MED13L: variants seen among roughly 807,000 people sequenced by gnomAD.
MED13L encodes the protein mediator complex subunit 13L.
Under a neutral mutation model 220.9 loss-of-function variants are expected in MED13L, and 7 were observed. The observed-to-expected ratio is 0.03, with a 90% confidence interval of 0.02 to 0.06. The LOEUF (loss-of-function observed/expected upper bound fraction) is 0.06, where lower values mean the gene tolerates loss of function less well. Among genes scored for constraint, MED13L ranks in the 10% least tolerant of loss-of-function variants. The pLI is 1.00. For synonymous variants in MED13L, 1,011 were observed against 1,015.2 expected (o/e 1.00, Z 0.08); for missense variants, 1,965 against 2,760.5 (o/e 0.71, Z 6.46).
At chr12:116,100,167 G>A (rs371795360) in intron 3 of MED13L, among the ~76,000 whole-genome samples, 13 of 152,112 alleles carry the variant, frequency 8.5e-5, no homozygotes, top group African/African-American at 3.1e-4. Flanking sequence ...ATGGTTATAG[G>A]AGGAAATGAG....
chr12:116,249,144 C>G (rs1166111906), intron 1 of MED13L, among the ~76,000 whole-genome samples: 1 of 152,178 alleles, frequency 6.6e-6, no homozygotes, highest in Non-Finnish European at 1.5e-5. Flanking sequence ...GCTATCACTC[C>G]AAGAGTTCAC....
chr12:115,973,726 T>C (rs1401698386), intron 25 of MED13L, among the ~76,000 whole-genome samples: 1 of 152,196 alleles, frequency 6.6e-6, no homozygotes, highest in East Asian at 1.9e-4. Flanking sequence ...AATAAAATGA[T>C]GAATCCCCTA....
rs530405645 is a variant in MED13L at position 116,169,998 on chromosome 12, C to CA, written c.311-58487dup. Among the ~76,000 whole-genome samples the CA allele has an allele frequency of 5.8e-3, 885 of 152,262 alleles. 7 individuals are homozygous for CA. Among genetic ancestry groups the CA allele is most frequent in the South Asian group, 0.012 (60 of 4,820 alleles). On this transcript the variant is annotated intron_variant, in intron 2 of 30. Coordinates refer to ENST00000281928, the MANE Select transcript of MED13L (RefSeq NM_015335.5). Reference sequence around the variant, plus strand: ...CGCCACTGCACTCCTGTCTGAGCAGCAGAGTGAGACCCCGCCTCATAAATA... The same window carrying CA: ...CGCCACTGCACTCCTGTCTGAGCAGCAAGAGTGAGACCCCGCCTCATAAATA...
Position 115,983,431 on chromosome 12 carries a change from G to A in MED13L, c.4641C>T (p.Pro1547=). The stretch of plus-strand genomic sequence containing the variant: ...GAGCTGCTGATCCATTTGGAGCTAA[G>A]GGCCCAGCATTCCCTGGCGTAGCTT... ...QGQATPGNAG[P]LAPNGSAAPP... is the part of the protein sequence containing the mutation. The change falls in exon 21 of 31, where the codon CCC becomes CCT. Residue 1547 remains proline (P), a synonymous_variant. Coordinates refer to ENST00000281928, the MANE Select transcript of MED13L (RefSeq NM_015335.5). 6.2e-7 allele frequency: 1 copy of A among 1,614,194 alleles called. No individual in the cohort carries two copies. The highest frequency in any genetic ancestry group is 2.2e-5 in the East Asian group (1 of 44,880).
chr12:116,187,441 T>C (rs1880971070), intron 2 of MED13L, among the ~76,000 whole-genome samples: 1 of 152,222 alleles, frequency 6.6e-6, no homozygotes. Context: ...ATCATTGTCA[T>C]TTCTTCCAGT....
intron 14 of MED13L, among the ~76,000 whole-genome samples, chr12:115,999,680 CA>C (rs764963148): frequency 0.026 from 3,380 of 132,092 alleles, 56 homozygotes; most frequent in Middle Eastern, 0.059. Flanking sequence ...CAAGATTTTG[CA>C]AAAAAAAAAA....
chr12:116,019,078 T>TTC (rs1879901557), intron 7 of MED13L, 146 bp downstream of exon 7: 1 of 752,986 alleles, frequency 1.3e-6, no homozygotes. Context: ...ATAGTTTTCC[T>TTC]TCTCCATTTT....
chr12:116,171,789 C>T (rs1879698874), intron 2 of MED13L, among the ~76,000 whole-genome samples: 1 of 152,186 alleles, frequency 6.6e-6, no homozygotes, highest in African/African-American at 2.4e-5. Flanking sequence ...ACTCACAGTA[C>T]TGAGAAGCCC....
intron 3 of MED13L, among the ~76,000 whole-genome samples, chr12:116,105,106 C>G (rs1469189610): frequency 2.6e-5 from 4 of 152,134 alleles, no homozygotes; most frequent in Admixed American, 2.6e-4. Flanking sequence ...CTAAAAATGC[C>G]AAATGAAGAA....
Position 115,972,393 on chromosome 12 carries a change from T to C in MED13L, c.5732-157A>G, listed in dbSNP as rs993855329. On this transcript the variant is annotated intron_variant, in intron 25 of 30. Transcript: ENST00000281928. Reference sequence around the variant, plus strand: ...ATGTTCCCCTCCTTGCTATAGAGAATGTTACTCGACTTCTATTACACTTCA... The same window carrying C: ...ATGTTCCCCTCCTTGCTATAGAGAACGTTACTCGACTTCTATTACACTTCA... 1.8e-5 allele frequency: 15 copies of C among 825,016 alleles called. No homozygotes were observed. The African/African-American group carries it at 2.2e-4, about 12-fold the overall frequency. The allele number at this position is 825,016 out of a possible 1,614,324, so 51.1% of individuals were successfully genotyped here. A position where few individuals can be genotyped will look rare whatever the true frequency, so the allele number is the denominator to read the frequency against.
At chr12:116,241,676 T>C (rs1383329832) in intron 1 of MED13L, among the ~76,000 whole-genome samples, 1 of 152,208 alleles carries the variant, frequency 6.6e-6, no homozygotes, top group Non-Finnish European at 1.5e-5. Flanking sequence ...GCAAGTGATA[T>C]CTTTCTTACA....
intron 2 of MED13L, among the ~76,000 whole-genome samples, chr12:116,207,782 A>G (rs1478403423): frequency 6.6e-6 from 1 of 152,190 alleles, no homozygotes; most frequent in Non-Finnish European, 1.5e-5. Context: ...GTTTTAAAAA[A>G]AGAAAAAAAA....
chr12:115,968,063 C>G lies in MED13L; in HGVS notation c.6225+877G>C, dbSNP rs867336882. On this transcript the variant is annotated intron_variant, in intron 28 of 30. Transcript: ENST00000281928. ...TGCTGGGAATAAAAGTCCCCCCCCC[C>G]CCCCGATGAAAACTGAAGTCCTTTA... is the stretch of plus-strand genomic sequence containing the variant. 1.3e-3 allele frequency among the ~76,000 whole-genome samples: 184 copies of G among 136,326 alleles called. 10 individuals are homozygous for G. Among genetic ancestry groups the G allele is most frequent in the Non-Finnish European group, 2.4e-3 (149 of 62,118 alleles). The allele number at this position is 136,326 out of a possible 152,430, so 89.4% of individuals were successfully genotyped here. A position where few individuals can be genotyped will look rare whatever the true frequency, so the allele number is the denominator to read the frequency against.
At chr12:116,223,672 C>T (rs1337994106) in intron 2 of MED13L, among the ~76,000 whole-genome samples, 1 of 151,916 alleles carries the variant, frequency 6.6e-6, no homozygotes, top group African/African-American at 2.4e-5. Context: ...CCATTGCACT[C>T]CAGCCTGGGC....
intron 2 of MED13L, among the ~76,000 whole-genome samples, chr12:116,120,477 TCA>T (rs1158069310): frequency 0.019 from 1,524 of 79,228 alleles, 6 homozygotes; most frequent in African/African-American, 0.027. Context: ...TCTCTCTCTC[TCA>T]CACACACACA....
chr12:116,102,115 A>G (rs1295385563), intron 3 of MED13L, among the ~76,000 whole-genome samples: 1 of 152,268 alleles, frequency 6.6e-6, no homozygotes. Context: ...AAAAGAAAAC[A>G]GCTGCTGAAA....
rs1254857096 is a variant in MED13L, at chr12:116,002,999, C to A, written c.2569+4G>T. On this transcript the variant is annotated splice_donor_region_variant and intron_variant, in intron 14 of 30. Transcript: ENST00000281928. ...CAATGGCTCAGTCAAGTTTCTCTAC[C>A]TACTTGGTGGATAAGGAACAGCAGC... The A allele has an allele frequency of 3.7e-6, 6 of 1,611,398 alleles. No individual in the cohort carries two copies. The highest frequency in any genetic ancestry group is 5.1e-6 in the Non-Finnish European group (6 of 1,177,488).
chr12:116,106,786 C>T (rs1873616827), intron 3 of MED13L, among the ~76,000 whole-genome samples: 1 of 149,584 alleles, frequency 6.7e-6, no homozygotes, highest in Non-Finnish European at 1.5e-5. Context: ...GCAGAGATTG[C>T]AGTGAGCCAA....
intron 3 of MED13L, among the ~76,000 whole-genome samples, chr12:116,104,949 T>C (rs931250206): frequency 7.2e-5 from 11 of 152,172 alleles, no homozygotes; most frequent in African/African-American, 1.7e-4. Context: ...TTTTAAGTTT[T>C]TGAACTGCAC....
Sources: allele counts gnomAD v4.1 joint callset (sites outside exome capture counted in the v4.1 genomes callset), GRCh38; gene constraint gnomAD v4.1.1; transcripts MANE v1.5; gene names NCBI Gene and HGNC (gene_info 2026-07-23, HGNC 2026-07-21).